RBFOX1: variants seen among roughly 807,000 people sequenced by gnomAD.
The protein encoded by RBFOX1 is RNA binding protein fox-1 homolog 1.
In RBFOX1, 8 loss-of-function variants were observed where a neutral mutation model predicts 57.7. The observed-to-expected ratio is 0.14, with a 90% CI of 0.08 to 0.25. The LOEUF is 0.25. Ranked by LOEUF, RBFOX1 falls within the 10% of genes least tolerant of loss-of-function variation. The pLI is 1.00. For missense variants in RBFOX1, 611 were observed against 548.5 expected, an observed-to-expected ratio of 1.11 and a Z score of -1.14; for synonymous variants, 326 against 222.4, an observed-to-expected ratio of 1.47 and a Z score of -4.15.
At chr16:6,700,990 G>T (rs2061737363) in intron 3 of RBFOX1, among the ~76,000 whole-genome samples, 1 of 152,040 alleles carries the variant, frequency 6.6e-6, no homozygotes, top group African/African-American at 2.4e-5. Flanking sequence ...GCTTATGAGG[G>T]ATCCATACCA....
In RBFOX1 at chr16:6,659,362, A is replaced by G. The variant is rs144408563; in HGVS notation, c.-16+4712A>G. Among the ~76,000 whole-genome samples, 70 of 151,844 alleles carry G rather than the reference A, an allele frequency of 4.6e-4. No individual in the cohort carries two copies. In the East Asian group the frequency reaches 0.011, roughly 25 times the overall value. On this transcript the variant is annotated intron_variant, in intron 3 of 15. Coordinates refer to ENST00000550418, the MANE Select transcript of RBFOX1 (RefSeq NM_018723.4). The stretch of plus-strand genomic sequence containing the variant: ...TTGAGTGGTTTTCCAAGTTATGGCG[A>G]CTTTCAGATTGGGTCCAATTGAAGG...
intron 1 of RBFOX1, among the ~76,000 whole-genome samples, chr16:5,281,827 G>T (rs540970557): frequency 6.6e-6 from 1 of 152,212 alleles, no homozygotes; most frequent in Admixed American, 6.5e-5. Context: ...TACAAGTGAA[G>T]TGAGTTTCTT....
intron 4 of RBFOX1, among the ~76,000 whole-genome samples, chr16:6,005,039 A>T (rs1458496602): frequency 6.6e-6 from 1 of 152,330 alleles, no homozygotes; most frequent in Admixed American, 6.5e-5. Context: ...CTTTAAGAAG[A>T]GAGTGTGTTT....
intron 4 of RBFOX1, among the ~76,000 whole-genome samples, chr16:7,235,942 T>G (rs1238888379): frequency 6.6e-6 from 1 of 152,210 alleles, no homozygotes; most frequent in African/African-American, 2.4e-5. Context: ...GACAGCCAAT[T>G]TCAATATTCA....
At chr16:6,508,721 T>C (rs578209336) in intron 2 of RBFOX1, among the ~76,000 whole-genome samples, 1 of 152,310 alleles carries the variant, frequency 6.6e-6, no homozygotes, top group African/African-American at 2.4e-5. Flanking sequence ...CCTAAAATTC[T>C]CTACGCCTAA....
chr16:6,478,777 C>G (rs925400476), intron 2 of RBFOX1, among the ~76,000 whole-genome samples: 2 of 152,032 alleles, frequency 1.3e-5, no homozygotes, highest in African/African-American at 4.8e-5. Flanking sequence ...TCAGAACACA[C>G]ACAATCTTTA....
intron 4 of RBFOX1, among the ~76,000 whole-genome samples, chr16:7,513,706 C>G (rs2075725529): frequency 6.6e-6 from 1 of 152,140 alleles, no homozygotes; most frequent in Non-Finnish European, 1.5e-5. Flanking sequence ...ATGAGGCGCC[C>G]AGCACAGTGC....
At chr16:7,694,282 A>G (rs2078106228) in intron 14 of RBFOX1, among the ~76,000 whole-genome samples, 1 of 152,198 alleles carries the variant, frequency 6.6e-6, no homozygotes, top group African/African-American at 2.4e-5. Context: ...ATTAAACTGA[A>G]CCTTACAAAT....
intron 4 of RBFOX1, among the ~76,000 whole-genome samples, chr16:7,235,045 G>T (rs1420243657): frequency 6.6e-6 from 1 of 152,118 alleles, no homozygotes; most frequent in Non-Finnish European, 1.5e-5. Context: ...TGCTATGGTG[G>T]AATTCTTCTT....
intron 2 of RBFOX1, among the ~76,000 whole-genome samples, chr16:6,479,699 C>A (rs1383003205): frequency 1.3e-5 from 2 of 152,116 alleles, no homozygotes; most frequent in African/African-American, 4.8e-5. Flanking sequence ...CACCTCCCAC[C>A]TGGTTTCTCC....
At chr16:6,887,667 A>C (rs1280177869) in intron 3 of RBFOX1, among the ~76,000 whole-genome samples, 1 of 143,802 alleles carries the variant, frequency 7.0e-6, no homozygotes, top group African/African-American at 2.5e-5. Flanking sequence ...TTCCATAGTC[A>C]TTTTTTTTTT....
At chr16:6,256,680 C>T (rs2097669642) in intron 1 of RBFOX1, among the ~76,000 whole-genome samples, 1 of 152,056 alleles carries the variant, frequency 6.6e-6, no homozygotes, top group Non-Finnish European at 1.5e-5. Context: ...CTGCCCTGTG[C>T]ATTTTAGGAC....
Position 6,641,778 on chromosome 16 carries a change from A to AAAAAAG in RBFOX1, c.-63-12825_-63-12824insAAAAAG, listed in dbSNP as rs1568006199. On this transcript the variant is annotated intron_variant, in intron 2 of 15. Coordinates refer to ENST00000550418, the MANE Select transcript of RBFOX1 (RefSeq NM_018723.4). ...AAAAAAAAAAAAAAAAAAAAAAAAAATAGGTTCTGCCCTGAGCCTTTCAGG... is the reference window on the plus strand; with the variant it reads ...AAAAAAAAAAAAAAAAAAAAAAAAAAAAAAAGTAGGTTCTGCCCTGAGCCTTTCAGG... Among the ~76,000 whole-genome samples the AAAAAAG allele has an allele frequency of 3.0e-3, 94 of 31,770 alleles. 2 individuals are homozygous for AAAAAAG. The highest frequency in any genetic ancestry group is 4.1e-3 in the Non-Finnish European group (70 of 17,146). 20.8% of individuals were successfully genotyped at this position (31,770 alleles called of 152,430 possible).
intron 2 of RBFOX1, among the ~76,000 whole-genome samples, chr16:5,530,455 G>C (rs1408406902): frequency 6.6e-6 from 1 of 152,126 alleles, no homozygotes; most frequent in African/African-American, 2.4e-5. Context: ...CAGACCACTC[G>C]ACAATAGGAC....
At chr16:6,155,251 T>TA (rs1191550567) in intron 1 of RBFOX1, among the ~76,000 whole-genome samples, 1 of 152,200 alleles carries the variant, frequency 6.6e-6, no homozygotes, top group Non-Finnish European at 1.5e-5. Flanking sequence ...AGACAAGCCC[T>TA]AGGAGACTGA....
chr16:7,348,125 A>G (rs1383198837), intron 4 of RBFOX1, among the ~76,000 whole-genome samples: 3 of 152,232 alleles, frequency 2.0e-5, no homozygotes, highest in Non-Finnish European at 4.4e-5. Flanking sequence ...TTACCATAAA[A>G]TTAATGTGGG....
At position 6,862,168 on chromosome 16, in the gene RBFOX1, C is replaced by A. The variant is rs570640071; in HGVS notation, c.-15-189889C>A. Among the ~76,000 whole-genome samples the A allele has an allele frequency of 1.1e-3, 170 of 152,256 alleles. 1 individual carries two copies. Among genetic ancestry groups the A allele is most frequent in the African/African-American group, 4.0e-3 (167 of 41,548 alleles). ...AGTTTTTCATTTAGATTGTGAAGGG[C>A]TTGCTGTGTGTGTCATGTTTAGGGA... On this transcript the variant is annotated intron_variant, in intron 3 of 15. Coordinates refer to ENST00000550418, the MANE Select transcript of RBFOX1 (RefSeq NM_018723.4).
rs149193103 is a variant in RBFOX1 at position 5,719,911 on chromosome 16, A to G, written c.318+120950A>G. Among the ~76,000 whole-genome samples, 200 of 152,248 alleles carry G rather than the reference A, an allele frequency of 1.3e-3. 1 individual carries two copies. The highest frequency in any genetic ancestry group is 4.5e-3 in the African/African-American group (188 of 41,564). On this transcript the variant is annotated intron_variant, in intron 3 of 19. Coordinates refer to the RBFOX1 transcript ENST00000641259. ...GACGCATGTTTTGACTTCTCTCGAA[A>G]GTATATTTAGAAGTTCAGCTGCTAG...
intron 4 of RBFOX1, among the ~76,000 whole-genome samples, chr16:6,012,824 T>A (rs1222978771): frequency 6.6e-6 from 1 of 152,128 alleles, no homozygotes; most frequent in Non-Finnish European, 1.5e-5. Flanking sequence ...CAAAATCCCA[T>A]GAGAAAACAT....
Sources: allele counts gnomAD v4.1 joint callset (sites outside exome capture counted in the v4.1 genomes callset), GRCh38; gene constraint gnomAD v4.1.1; transcripts MANE v1.5; gene names NCBI Gene and HGNC (gene_info 2026-07-23, HGNC 2026-07-21).